The following PAK6 variants were observed in gnomAD, a reference collection of about 807,000 sequenced individuals.
The protein encoded by PAK6 is serine/threonine-protein kinase PAK 6.
A neutral mutation model predicts 60.8 loss-of-function variants in PAK6; 33 were observed. The observed-to-expected ratio is 0.54, with a 90% CI of 0.41 to 0.73. PAK6 has a LOEUF of 0.73. Among genes scored for constraint, PAK6 ranks in the 30% least tolerant of loss-of-function variants. The pLI, the probability that PAK6 is intolerant of heterozygous loss-of-function variation, is 0.00. For missense variants in PAK6, 845 were observed against 904.1 expected, an observed-to-expected ratio of 0.93 and a Z score of 0.84; for synonymous variants, 404 against 378.5, an observed-to-expected ratio of 1.07 and a Z score of -0.78.
chr15:40,275,288 T>TTTTG (rs2039424775), intron 10 of PAK6, among the ~76,000 whole-genome samples: 2 of 109,204 alleles, frequency 1.8e-5, no homozygotes, highest in Non-Finnish European at 3.8e-5. Context: ...TGGTTTTTTT[T>TTTTG]TTTTTTTTTT....
intron 3 of PAK6, among the ~76,000 whole-genome samples, chr15:40,254,904 T>C (rs1220179524): frequency 6.6e-6 from 1 of 152,176 alleles, no homozygotes. Flanking sequence ...GCCTCCTCCT[T>C]CTCTCTCCAG....
At chr15:40,240,640 G>T (rs1260837012) in exon 2 of PAK6, 1 of 444,204 alleles carries the variant, frequency 2.3e-6, no homozygotes, top group Middle Eastern at 7.0e-4. Flanking sequence ...CCAGCCTGCA[G>T]TGGAGAACGC....
At chr15:40,274,689 G>A (rs990420017) in intron 10 of PAK6, among the ~76,000 whole-genome samples, 6 of 152,270 alleles carry the variant, frequency 3.9e-5, no homozygotes, top group African/African-American at 9.6e-5. Context: ...CGATGTCCCT[G>A]TCCATCACGG....
intron 2 of PAK6, chr15:40,247,043 C>G (rs781511083): frequency 6.6e-6 from 1 of 152,398 alleles, no homozygotes; most frequent in Non-Finnish European, 1.5e-5. Flanking sequence ...TGGGCCCTCA[C>G]CTAGTCAGGC....
exon 11 of PAK6, chr15:40,276,038 C>T: frequency 1.2e-6 from 2 of 1,613,844 alleles, no homozygotes; most frequent in Non-Finnish European, 1.7e-6. Flanking sequence ...GACAGGGCTA[C>T]CTGAGTGCCT....
intron 3 of PAK6, chr15:40,259,778 C>T (rs182381063): frequency 7.2e-5 from 6 of 83,404 alleles, no homozygotes; most frequent in South Asian, 4.6e-4. Flanking sequence ...CAGAGTGAAA[C>T]GCTGTCTCAA....
intron 3 of PAK6, among the ~76,000 whole-genome samples, chr15:40,253,864 C>T (rs2038760630): frequency 6.6e-6 from 1 of 151,498 alleles, no homozygotes; most frequent in African/African-American, 2.4e-5. Flanking sequence ...GTTGCGTTTT[C>T]TGTATCTTGC....
intron 2 of PAK6, chr15:40,252,878 G>T: frequency 1.6e-6 from 2 of 1,240,022 alleles, no homozygotes; most frequent in Non-Finnish European, 2.1e-6. Context: ...CGCCCGCCCG[G>T]CGCGGGGCAT....
At chr15:40,266,653 G>A in intron 5 of PAK6, 158 bp downstream of exon 5, 1 of 601,836 alleles carries the variant, frequency 1.7e-6, no homozygotes, top group Non-Finnish European at 2.7e-6. Context: ...CTCTAAGGAG[G>A]GTGGCTCGCC....
At chr15:40,275,367 C>T (rs1426786584) in intron 10 of PAK6, among the ~76,000 whole-genome samples, 2 of 138,232 alleles carry the variant, frequency 1.4e-5, no homozygotes, top group African/African-American at 5.3e-5. Context: ...CTCACTGCAA[C>T]CTCCGCCTCC....
intron 4 of PAK6, among the ~76,000 whole-genome samples, chr15:40,265,531 G>A (rs576835690): frequency 3.1e-4 from 47 of 152,094 alleles, no homozygotes; most frequent in African/African-American, 1.1e-3. Flanking sequence ...ATGGAGCCCC[G>A]CCCCCTGAGC....
At chr15:40,241,320 C>T (rs1157507121) in intron 2 of PAK6, among the ~76,000 whole-genome samples, 1 of 152,186 alleles carries the variant, frequency 6.6e-6, no homozygotes, top group Non-Finnish European at 1.5e-5. Context: ...TGGCATTGTA[C>T]ACCAAGAGGT....
At position 40,273,696 on chromosome 15, in the gene PAK6, C is replaced by G. The variant is rs767531175; in HGVS notation, c.1743+20C>G. The G allele has an allele frequency of 3.7e-6, 6 of 1,608,824 alleles. No homozygotes were observed. The Admixed American group carries it at 1.0e-4, about 27-fold the overall frequency. ...ACTGAGGTAACCGTTCCCTCCACCC[C>G]CCAGACCTCCCAAAAGCAACTTGGC... is the stretch of plus-strand genomic sequence containing the variant. On this transcript the variant is annotated intron_variant, in intron 9 of 10. Transcript: ENST00000560346.
At chr15:40,263,638 A>G (rs111925292) in intron 3 of PAK6, among the ~76,000 whole-genome samples, 2 of 151,470 alleles carry the variant, frequency 1.3e-5, no homozygotes, top group Non-Finnish European at 2.9e-5. Context: ...TTTTTGAGAC[A>G]GAGTCTCATT....
intron 10 of PAK6, among the ~76,000 whole-genome samples, chr15:40,275,676 T>C (rs1185567097): frequency 7.2e-5 from 11 of 152,064 alleles, no homozygotes; most frequent in Admixed American, 7.2e-4. Flanking sequence ...AACTGAGGCC[T>C]AGAGAAAACT....
intron 3 of PAK6, among the ~76,000 whole-genome samples, chr15:40,263,192 A>G (rs550268225): frequency 1.9e-4 from 29 of 152,374 alleles, no homozygotes; most frequent in Middle Eastern, 6.8e-3. Flanking sequence ...TGCTGTTTCC[A>G]TAGCAAGAGC....
At chr15:40,256,225 TA>T (rs869135732) in intron 3 of PAK6, among the ~76,000 whole-genome samples, 50 of 151,748 alleles carry the variant, frequency 3.3e-4, no homozygotes, top group African/African-American at 1.1e-3. Flanking sequence ...ACTCTGTCTC[TA>T]AAAAAAAATT....
Position 40,252,898 on chromosome 15 carries a change from C to A in PAK6, c.-117-280C>A, listed in dbSNP as rs921931761. ...GCCCGGCGCGGGGCATTCGCGTCCC[C>A]GAGAGGGCGCAGCAGTGGGGCCTGC... On this transcript the variant is annotated intron_variant, in intron 2 of 10. Coordinates refer to ENST00000560346, the Ensembl canonical transcript of PAK6. 10 of 1,208,500 alleles carry A rather than the reference C, an allele frequency of 8.3e-6. No homozygotes were observed. In the African/African-American group the frequency reaches 1.0e-4, roughly 12 times the overall value. The allele number at this position is 1,208,500 out of a possible 1,614,324, so 74.9% of individuals were successfully genotyped here. A position where few individuals can be genotyped will look rare whatever the true frequency, so the allele number is the denominator to read the frequency against.
intron 2 of PAK6, among the ~76,000 whole-genome samples, chr15:40,248,164 G>A (rs533359774): frequency 3.3e-5 from 5 of 152,298 alleles, no homozygotes; most frequent in East Asian, 3.9e-4. Flanking sequence ...GCTAGACTCC[G>A]TCAACTTCCC....
Sources: allele counts gnomAD v4.1 joint callset (sites outside exome capture counted in the v4.1 genomes callset), GRCh38; gene constraint gnomAD v4.1.1; transcripts MANE v1.5; gene names NCBI Gene and HGNC (gene_info 2026-07-23, HGNC 2026-07-21).